VDAC1: variants seen among roughly 807,000 people sequenced by gnomAD.
VDAC1 encodes non-selective voltage-gated ion channel VDAC1.
In VDAC1, 10 loss-of-function variants were observed where a neutral mutation model predicts 34.7. The ratio of observed to expected loss-of-function variants is 0.29; its 90% CI spans 0.18 to 0.49. The LOEUF is 0.49. Ranked by LOEUF, VDAC1 falls within the 20% of genes least tolerant of loss-of-function variation. VDAC1 has a pLI of 0.99. For synonymous variants in VDAC1, 130 were observed against 136.0 expected, an observed-to-expected ratio of 0.96 and a Z score of 0.30; for missense variants, 230 against 347.9, an observed-to-expected ratio of 0.66 and a Z score of 2.69.
the VDAC1 span, among the ~76,000 whole-genome samples, chr5:134,070,270 T>C: frequency 6.6e-6 from 1 of 152,104 alleles, no homozygotes; most frequent in South Asian, 2.1e-4. Context: ...GCCTCCCGAG[T>C]AGCTGGGATT....
At chr5:134,005,315 T>C (rs1166413509), upstream of VDAC1, 3 of 152,054 alleles carry the variant, frequency 2.0e-5, no homozygotes, top group Non-Finnish European at 4.4e-5. Context: ...GCGCGGACAC[T>C]GGGCGCCTGG....
the VDAC1 span, among the ~76,000 whole-genome samples, chr5:134,048,781 T>A: frequency 3.9e-5 from 6 of 152,090 alleles, no homozygotes; most frequent in East Asian, 3.9e-4. Flanking sequence ...ATTTTTTTTT[T>A]AAACATATCT....
chr5:134,079,313 G>C, the VDAC1 span, among the ~76,000 whole-genome samples: 1 of 152,218 alleles, frequency 6.6e-6, no homozygotes, highest in African/African-American at 2.4e-5. Context: ...TCTGGCCACT[G>C]TGTGGCCCAT....
intron 1 of VDAC1, 188 bp downstream of exon 1, chr5:134,004,707 G>A (rs188579811): frequency 0.017 from 2,523 of 151,638 alleles, 27 homozygotes; most frequent in Non-Finnish European, 0.026. Context: ...CGCGGAGGCA[G>A]GGAGCCGAGC....
At chr5:134,042,458 G>A in the VDAC1 span, among the ~76,000 whole-genome samples, 2 of 152,100 alleles carry the variant, frequency 1.3e-5, no homozygotes, top group African/African-American at 4.8e-5. Context: ...GACCACAAAG[G>A]CCCATTCAGT....
At chr5:133,998,895 G>T (rs538640876) in intron 1 of VDAC1, among the ~76,000 whole-genome samples, 1 of 152,314 alleles carries the variant, frequency 6.6e-6, no homozygotes, top group South Asian at 2.1e-4. Context: ...GTGCCTAACA[G>T]GCAGGGCTGC....
the VDAC1 span, among the ~76,000 whole-genome samples, chr5:134,055,679 T>G: frequency 7.1e-6 from 1 of 141,636 alleles, no homozygotes; most frequent in Non-Finnish European, 1.5e-5. Flanking sequence ...CCGCCCGCCA[T>G]GGCTTCCCAA....
intron 1 of VDAC1, among the ~76,000 whole-genome samples, chr5:134,002,941 T>G (rs556553524): frequency 6.8e-6 from 1 of 147,188 alleles, no homozygotes; most frequent in African/African-American, 2.5e-5. Flanking sequence ...GCTCCAGACC[T>G]GGCAACAGAG....
At position 133,980,935 on chromosome 5, in the gene VDAC1, C is replaced by T; in HGVS notation, c.345G>A (p.Lys115=). Residue 115 remains lysine, a synonymous_variant, in exon 6 of 9, where the codon AAG becomes AAA. Coordinates refer to ENST00000265333, the MANE Select transcript of VDAC1 (RefSeq NM_003374.3). ...TAATGTGCTCCCGCTTGTACCCTGT[C>T]TTGATTTTAGCATTTTTTTTCCTGA... is the stretch of plus-strand genomic sequence containing the variant. ...PNTGKKNAKI[K]TGYKREHINL... 1 of 1,613,732 alleles carries T rather than the reference C, an allele frequency of 6.2e-7. No individual in the cohort carries two copies. Among genetic ancestry groups the T allele is most frequent in the South Asian group, 1.1e-5 (1 of 91,042 alleles).
the VDAC1 span, among the ~76,000 whole-genome samples, chr5:134,050,002 G>A: frequency 6.6e-6 from 1 of 152,140 alleles, no homozygotes; most frequent in Non-Finnish European, 1.5e-5. Flanking sequence ...TGTAACCCCA[G>A]CACTTTGGGA....
chr5:134,056,992 G>T, the VDAC1 span, among the ~76,000 whole-genome samples: 1 of 151,878 alleles, frequency 6.6e-6, no homozygotes, highest in East Asian at 2.0e-4. Flanking sequence ...CCCGGCCCAA[G>T]ATTTTCTATA....
the VDAC1 span, among the ~76,000 whole-genome samples, chr5:134,064,492 T>C: frequency 6.6e-6 from 1 of 151,666 alleles, no homozygotes; most frequent in Non-Finnish European, 1.5e-5. Context: ...TTAGTAGAGA[T>C]GGGGTTTCAC....
At chr5:134,009,276 G>C (rs1314857743), upstream of VDAC1, among the ~76,000 whole-genome samples, 1 of 90,054 alleles carries the variant, frequency 1.1e-5, no homozygotes, top group Non-Finnish European at 2.0e-5. Context: ...TTTTTTTTGA[G>C]ATGGAGTCTC....
chr5:133,987,787 G>A (rs1752961033), intron 5 of VDAC1, among the ~76,000 whole-genome samples: 1 of 152,142 alleles, frequency 6.6e-6, no homozygotes. Flanking sequence ...TAATTACAAA[G>A]AGAAAAATAG....
chr5:134,080,582 C>T, the VDAC1 span, among the ~76,000 whole-genome samples: 4 of 152,184 alleles, frequency 2.6e-5, no homozygotes, highest in Non-Finnish European at 5.9e-5. Flanking sequence ...CAGGTTAAGT[C>T]GCGGAGGTAC....
chr5:133,976,151 G>A, intron 6 of VDAC1, 130 bp from the exon 7 acceptor site: 1 of 1,136,824 alleles, frequency 8.8e-7, no homozygotes. Flanking sequence ...ATTAAGGGAA[G>A]TCAGAAGTTC....
At chr5:134,025,223 G>C in the VDAC1 span, among the ~76,000 whole-genome samples, 4 of 152,210 alleles carry the variant, frequency 2.6e-5, no homozygotes, top group East Asian at 5.8e-4. Context: ...ATGGCAGAAG[G>C]TGAAGGGGGA....
chr5:134,088,565 T>C, the VDAC1 span, among the ~76,000 whole-genome samples: 1 of 152,246 alleles, frequency 6.6e-6, no homozygotes, highest in Non-Finnish European at 1.5e-5. Flanking sequence ...GGCTCAATCA[T>C]TCAATGCCTG....
At chr5:134,069,125 GA>G in the VDAC1 span, among the ~76,000 whole-genome samples, 1 of 151,184 alleles carries the variant, frequency 6.6e-6, no homozygotes, top group Non-Finnish European at 1.5e-5. Context: ...GCTTTCAGAA[GA>G]AAAAAAATGA....
Sources: allele counts gnomAD v4.1 joint callset (sites outside exome capture counted in the v4.1 genomes callset), GRCh38; gene constraint gnomAD v4.1.1; transcripts MANE v1.5; gene names NCBI Gene and HGNC (gene_info 2026-07-23, HGNC 2026-07-21).